PKHD1: variants seen among roughly 807,000 people sequenced by gnomAD.
The protein encoded by PKHD1 is fibrocystin.
PKHD1 carries 291 observed loss-of-function variants against 412.0 expected under a neutral mutation model. That is an observed-to-expected ratio of 0.71 (90% CI 0.64 to 0.78). The LOEUF (loss-of-function observed/expected upper bound fraction) is 0.78. Ranked by LOEUF, PKHD1 falls within the 30% of genes least tolerant of loss-of-function variation. PKHD1 has a pLI of 0.00. For synonymous variants in PKHD1, 1,777 were observed against 1,821.5 expected (o/e 0.98, Z 0.62); for missense variants, 4,825 against 4,950.7 (o/e 0.97, Z 0.76).
intron 60 of PKHD1, among the ~76,000 whole-genome samples, chr6:51,743,478 A>G (rs934201500): frequency 1.8e-4 from 27 of 152,196 alleles, no homozygotes; most frequent in Admixed American, 1.6e-3. Flanking sequence ...GATGTCTACT[A>G]TCTTTCCAAG....
intron 53 of PKHD1, among the ~76,000 whole-genome samples, chr6:51,787,174 C>T (rs1793009895): frequency 6.6e-6 from 1 of 152,094 alleles, no homozygotes; most frequent in Non-Finnish European, 1.5e-5. Flanking sequence ...GCCTGGCCAA[C>T]ATGGTGAAAC....
rs905216302 is a variant in PKHD1 at position 51,882,075 on chromosome 6, G to A, written c.7350+1018C>T. On this transcript the variant is annotated intron_variant, in intron 46 of 66. Coordinates refer to ENST00000371117, the MANE Select transcript of PKHD1 (RefSeq NM_138694.4). ...ACTGCAACATTAATTTACCAAGACA[G>A]TTACTCAGTTTGCTGGGAATTTTGT... 3.8e-4 allele frequency among the ~76,000 whole-genome samples: 58 copies of A among 152,270 alleles called. 1 individual carries two copies. Among genetic ancestry groups the A allele is most frequent in the African/African-American group, 1.3e-3 (54 of 41,538 alleles).
intron 36 of PKHD1, among the ~76,000 whole-genome samples, chr6:51,935,321 A>G (rs1787300282): frequency 6.6e-6 from 1 of 152,244 alleles, no homozygotes; most frequent in African/African-American, 2.4e-5. Context: ...AAAAATTAAA[A>G]AGATATTTTC....
Position 51,942,165 on chromosome 6 carries a change from A to G in PKHD1, c.5909-7843T>C, listed in dbSNP as rs770540984. ...AAATCCTTTCCCCACTCCTCTTTCC[A>G]TTCCTTGAAGACAGCTTTAGAGACT... On this transcript the variant is annotated intron_variant, in intron 36 of 66. Transcript: ENST00000371117. Among the ~76,000 whole-genome samples, 7 of 151,350 alleles carry G rather than the reference A, an allele frequency of 4.6e-5. 1 individual carries two copies. The highest frequency in any genetic ancestry group is 1.0e-4 in the Non-Finnish European group (7 of 67,694).
chr6:51,979,764 G>C (rs1794909066), intron 35 of PKHD1, among the ~76,000 whole-genome samples: 1 of 152,074 alleles, frequency 6.6e-6, no homozygotes. Flanking sequence ...CCATAATTCT[G>C]CTGGATCATG....
intron 29 of PKHD1, among the ~76,000 whole-genome samples, chr6:52,031,543 T>C (rs1803028492): frequency 6.6e-6 from 1 of 152,270 alleles, no homozygotes; most frequent in Admixed American, 6.5e-5. Context: ...TTGAAAGTTC[T>C]TCTTTTTAAC....
At chr6:51,892,598 A>G (rs972864207) in intron 43 of PKHD1, among the ~76,000 whole-genome samples, 1 of 152,208 alleles carries the variant, frequency 6.6e-6, no homozygotes, top group African/African-American at 2.4e-5. Flanking sequence ...AGAGTCACAT[A>G]TTAGCAAAAT....
chr6:51,753,420 A>G (rs1379128596), intron 56 of PKHD1, 67 bp from the exon 57 acceptor site: 3 of 1,269,794 alleles, frequency 2.4e-6, no homozygotes, highest in Non-Finnish European at 3.5e-6. Flanking sequence ...CTAGCTGGGG[A>G]CCCAGCAAAC....
intron 36 of PKHD1, among the ~76,000 whole-genome samples, chr6:51,950,143 C>T (rs1390203708): frequency 6.7e-6 from 1 of 148,800 alleles, no homozygotes; most frequent in Non-Finnish European, 1.5e-5. Flanking sequence ...CAGACACCTC[C>T]CCAGAATGGA....
At position 51,848,033 on chromosome 6, in the gene PKHD1, T is replaced by G; in HGVS notation, c.7912-63A>C. On this transcript the variant is annotated intron_variant, in intron 49 of 66. Coordinates refer to ENST00000371117, the MANE Select transcript of PKHD1 (RefSeq NM_138694.4). ...TAAGGAACCCCATCATTCCACCTACTCCACCACACCACCCTGCCAAAACAA... is the reference window on the plus strand; with the variant it reads ...TAAGGAACCCCATCATTCCACCTACGCCACCACACCACCCTGCCAAAACAA... 2.7e-6 allele frequency: 3 copies of G among 1,094,848 alleles called. No individual in the cohort carries two copies. In the South Asian group the frequency reaches 3.7e-5, roughly 14 times the overall value. The allele number at this position is 1,094,848 out of a possible 1,614,324, so 67.8% of individuals were successfully genotyped here.
In PKHD1 at chr6:52,028,254, T is replaced by C. The variant is rs758231968; in HGVS notation, c.3462A>G (p.Thr1154=). 14 of 1,614,038 alleles carry C rather than the reference T, an allele frequency of 8.7e-6. No homozygotes were observed. In the East Asian group the frequency reaches 2.7e-4, roughly 31 times the overall value. Residue 1154 remains threonine, a synonymous_variant, in exon 30 of 67, where the codon ACA becomes ACG. Coordinates refer to ENST00000371117, the MANE Select transcript of PKHD1 (RefSeq NM_138694.4). ...CCACCTCCAGGCCCCAAGCCGACTGTGTGTGAACCGGAGCCAAGGCATCCT... is the reference window on the plus strand; with the variant it reads ...CCACCTCCAGGCCCCAAGCCGACTGCGTGTGAACCGGAGCCAAGGCATCCT... ...HVQDALAPVH[T]QSAWGLEVAL... is the part of the protein sequence containing the mutation.
chr6:52,025,708 C>T lies in PKHD1; in HGVS notation c.4102G>A (p.Val1368Ile), dbSNP rs866831657. The T allele has an allele frequency of 6.2e-7, 1 of 1,614,216 alleles. No individual in the cohort carries two copies. The highest frequency in any genetic ancestry group is 8.5e-7 in the Non-Finnish European group (1 of 1,180,042). ...GCAAATCCCATCTGCTTCTGACGTA[C>T]TTGGAGAGGATAGATGCCAGCCTCC... The part of the protein sequence containing the change: ...SLEAGIYPLQ[V>I]RQKQMGFANM... Residue 1368 changes from valine (V) to isoleucine (I), a missense_variant, in exon 32 of 67, where the codon GTA becomes ATA. Physicochemically the swap from Val to Ile is conservative, Grantham distance 29 (BLOSUM62 3). Transcript: ENST00000371117.
chr6:51,696,761 T>C lies in PKHD1; in HGVS notation c.10157-36792A>G, dbSNP rs546359904. ...GGATAGAGCCCCAGCTGATGGGATATGAGGTCCAGAAACTACGTGTGTCAT... is the reference window on the plus strand; with the variant it reads ...GGATAGAGCCCCAGCTGATGGGATACGAGGTCCAGAAACTACGTGTGTCAT... On this transcript the variant is annotated intron_variant, in intron 60 of 66. Coordinates refer to ENST00000371117, the MANE Select transcript of PKHD1 (RefSeq NM_138694.4). Among the ~76,000 whole-genome samples, 80 of 152,186 alleles carry C rather than the reference T, an allele frequency of 5.3e-4. 1 individual carries two copies. Among genetic ancestry groups the C allele is most frequent in the African/African-American group, 1.9e-3 (80 of 41,508 alleles).
Position 51,635,858 on chromosome 6 carries a change from TGG to T in PKHD1, c.11506+2989_11506+2990del, listed in dbSNP as rs1189431938. 1.9e-3 allele frequency among the ~76,000 whole-genome samples: 31 copies of T among 16,450 alleles called. 1 individual carries two copies. The South Asian group carries it at 0.066, about 35-fold the overall frequency. 10.8% of individuals were successfully genotyped at this position (16,450 alleles called of 152,430 possible). On this transcript the variant is annotated intron_variant, in intron 64 of 66. Coordinates refer to ENST00000371117, the MANE Select transcript of PKHD1 (RefSeq NM_138694.4). ...TGGCTAACTGTATTTGTGGTGAAGG[TGG>T]GGGGGGGCGGGGGGCCGGGGGCGGA... is the stretch of plus-strand genomic sequence containing the variant.
intron 54 of PKHD1, among the ~76,000 whole-genome samples, chr6:51,773,800 A>G (rs1461037666): frequency 2.0e-5 from 2 of 102,438 alleles, no homozygotes; most frequent in Admixed American, 1.8e-4. Context: ...ACCAAAAAAA[A>G]AATAATCCCA....
At chr6:51,850,913 C>G (rs1772105616) in intron 49 of PKHD1, among the ~76,000 whole-genome samples, 1 of 152,134 alleles carries the variant, frequency 6.6e-6, no homozygotes, top group Admixed American at 6.5e-5. Context: ...GATTACCCGG[C>G]CAGAACTTCC....
chr6:51,659,722 G>T lies in PKHD1; in HGVS notation c.10404C>A (p.Ile3468=). 1 of 1,613,856 alleles carries T rather than the reference G, an allele frequency of 6.2e-7. No individual in the cohort carries two copies. The highest frequency in any genetic ancestry group is 1.1e-5 in the South Asian group (1 of 91,088). The change falls in exon 61 of 67, where the codon ATC becomes ATA. Residue 3468 remains isoleucine, a synonymous_variant. Transcript: ENST00000371117. ...TTTGATCCATGAAGCAGACTTTGGT[G>T]ATTTGCCTGATGGGTAAGATAGAAT... ...TFYSILPIRQ[I]TKVCFMDQTP...
rs1354438787 is a variant in PKHD1 at position 51,906,452 on chromosome 6, C to T, written c.6683-112G>A. 8.3e-6 allele frequency: 7 copies of T among 842,972 alleles called. No homozygotes were observed. The African/African-American group carries it at 8.4e-5, about 10-fold the overall frequency. 52.2% of individuals were successfully genotyped at this position (842,972 alleles called of 1,614,324 possible). A position where few individuals can be genotyped will look rare whatever the true frequency, so the allele number is the denominator to read the frequency against. Reference sequence around the variant, plus strand: ...GACATTCTCCCACACAATAATGAAACTCAGGAGATAAGAAGTTAGAAGCAG... The same window carrying T: ...GACATTCTCCCACACAATAATGAAATTCAGGAGATAAGAAGTTAGAAGCAG... On this transcript the variant is annotated intron_variant, in intron 40 of 66. Coordinates refer to ENST00000371117, the MANE Select transcript of PKHD1 (RefSeq NM_138694.4).
At position 51,904,051 on chromosome 6, in the gene PKHD1, A is replaced by C. The variant is rs748448787; in HGVS notation, c.6809-9T>G. ...CATCTCCGTGCATGTCCCTGAGAAC[A>C]AAAGACCCCATTACTTGAGTATATT... On this transcript the variant is annotated splice_polypyrimidine_tract_variant and intron_variant, in intron 41 of 66. Coordinates refer to ENST00000371117, the MANE Select transcript of PKHD1 (RefSeq NM_138694.4). 8 of 1,571,798 alleles carry C rather than the reference A, an allele frequency of 5.1e-6. No homozygotes were observed. The highest frequency in any genetic ancestry group is 6.1e-6 in the Non-Finnish European group (7 of 1,141,762).
Sources: gnomAD v4.1 joint callset for allele counts (sites outside exome capture counted in the v4.1 genomes callset) on GRCh38, gnomAD v4.1.1 for gene constraint, MANE v1.5 for transcripts, NCBI Gene and HGNC (gene_info 2026-07-23, HGNC 2026-07-21) for gene names.